KMT5B: variants seen among roughly 807,000 people sequenced by gnomAD.
KMT5B encodes lysine methyltransferase 5B.
KMT5B carries 10 observed loss-of-function variants against 83.2 expected under a neutral mutation model. The ratio of observed to expected loss-of-function variants is 0.12; its 90% CI spans 0.07 to 0.20. KMT5B has a LOEUF of 0.20. KMT5B is among the 10% of genes least tolerant of loss of function. KMT5B has a pLI of 1.00. For missense variants in KMT5B, 753 were observed against 1,067.2 expected, an observed-to-expected ratio of 0.71 and a Z score of 4.10; for synonymous variants, 349 against 388.8, an observed-to-expected ratio of 0.90 and a Z score of 1.20.
chr11:68,201,918 CAAAA>C (rs779662280), intron 1 of KMT5B, among the ~76,000 whole-genome samples: 1 of 82,928 alleles, frequency 1.2e-5, no homozygotes. Flanking sequence ...CAGTCTCTAC[CAAAA>C]AAAAAAAAAA....
upstream of KMT5B, chr11:68,213,416 C>CCGGCCTCGGCTCGCTG (rs1861254583): frequency 6.8e-6 from 1 of 146,594 alleles, no homozygotes; most frequent in Non-Finnish European, 1.5e-5. Flanking sequence ...CCCCGCGCCC[C>CCGGCCTCGGCTCGCTG]CGGCCTCGGC....
intron 3 of KMT5B, 108 bp from the exon 4 acceptor site, chr11:68,180,308 ACT>A: frequency 7.0e-7 from 1 of 1,424,160 alleles, no homozygotes; most frequent in Non-Finnish European, 9.4e-7. Flanking sequence ...AATCTTTAAA[ACT>A]CTGTGATAAT....
In KMT5B at chr11:68,158,130, T is replaced by C. The variant is rs774007527; in HGVS notation, c.2216A>G (p.Asn739Ser). The change falls in exon 11 of 11, where the codon AAC (asparagine) becomes AGC (serine). Residue 739 changes from asparagine to serine, a missense_variant. This residue lies in a region of KMT5B where 161 missense variants were observed against 195.1 expected (regional missense o/e 0.83). Coordinates refer to ENST00000304363, the MANE Select transcript of KMT5B (RefSeq NM_017635.5). ...KTNDQENDGM[N>S]SSKISIKLSK... ...TAACTTGATGCTTATTTTGGAAGAGTTCATTCCATCATTCTCTTGGTCATT... is the reference window on the plus strand; with the variant it reads ...TAACTTGATGCTTATTTTGGAAGAGCTCATTCCATCATTCTCTTGGTCATT... 1 of 1,614,148 alleles carries C rather than the reference T, an allele frequency of 6.2e-7. No homozygotes were observed. The highest frequency in any genetic ancestry group is 1.1e-5 in the South Asian group (1 of 91,082).
rs1236254285 is a variant in KMT5B, at chr11:68,158,763, T to G, written c.1583A>C (p.Gln528Pro). ...GTAGGTGCAGGGCGAGCTCTCCCCCTGCGAATGAGCACCTCTCACAGGATT... is the reference window on the plus strand; with the variant it reads ...GTAGGTGCAGGGCGAGCTCTCCCCCGGCGAATGAGCACCTCTCACAGGATT... ...RQNPVRGAHS[Q>P]GESSPCTYIT... Residue 528 changes from glutamine (Q) to proline (P), a missense_variant, in exon 11 of 11, where the codon CAG becomes CCG. Transcript: ENST00000304363. The G allele has an allele frequency of 2.3e-5, 37 of 1,614,062 alleles. No individual in the cohort carries two copies. The highest frequency in any genetic ancestry group is 6.7e-5 in the Admixed American group (4 of 60,010).
intron 1 of KMT5B, among the ~76,000 whole-genome samples, chr11:68,211,698 C>A (rs563281228): frequency 3.3e-5 from 5 of 152,258 alleles, no homozygotes; most frequent in Admixed American, 1.3e-4. Context: ...TCTCACGGGG[C>A]CTTTCTGAAG....
In KMT5B at chr11:68,213,205, G is replaced by C. The variant is rs1389184674; in HGVS notation, c.-144C>G. On this transcript the variant is annotated 5_prime_UTR_variant, in exon 1 of 11. Transcript: ENST00000304363. Reference sequence around the variant, plus strand: ...CCGCTGCCCGGCCGCTGCGATGCGGGGCCGCGCCGCCGGGCCCCGCGTCCC... The same window carrying C: ...CCGCTGCCCGGCCGCTGCGATGCGGCGCCGCGCCGCCGGGCCCCGCGTCCC... 1.4e-5 allele frequency: 2 copies of C among 142,128 alleles called. No homozygotes were observed. Among genetic ancestry groups the C allele is most frequent in the Non-Finnish European group, 3.1e-5 (2 of 64,156 alleles). The allele number at this position is 142,128 out of a possible 1,614,324, so 8.8% of individuals were successfully genotyped here.
chr11:68,196,553 G>A (rs1858739428), intron 1 of KMT5B, among the ~76,000 whole-genome samples: 1 of 149,930 alleles, frequency 6.7e-6, no homozygotes, highest in South Asian at 2.1e-4. Context: ...CTATATTTCT[G>A]CATTAAAAAA....
At chr11:68,196,891 C>A (rs193169349) in intron 1 of KMT5B, among the ~76,000 whole-genome samples, 15 of 151,976 alleles carry the variant, frequency 9.9e-5, no homozygotes, top group African/African-American at 1.4e-4. Flanking sequence ...TCCTAATATA[C>A]CTCAAAAATA....
chr11:68,203,328 A>G (rs977759932), intron 1 of KMT5B, among the ~76,000 whole-genome samples: 1 of 152,232 alleles, frequency 6.6e-6, no homozygotes, highest in Non-Finnish European at 1.5e-5. Context: ...AGGTCCATTC[A>G]TATCACCTTC....
intron 10 of KMT5B, among the ~76,000 whole-genome samples, chr11:68,161,668 A>G (rs1435005612): frequency 6.6e-6 from 1 of 152,144 alleles, no homozygotes; most frequent in Non-Finnish European, 1.5e-5. Context: ...GACACTGATA[A>G]CCACTTTTTC....
chr11:68,166,058 T>G, intron 10 of KMT5B: 3 of 1,561,888 alleles, frequency 1.9e-6, no homozygotes, highest in Non-Finnish European at 2.6e-6. Context: ...GAAGTCTCAC[T>G]GGACATTTAA....
In KMT5B at chr11:68,189,875, CAT is replaced by C. The variant is rs769071555; in HGVS notation, c.160+40_160+41del. On this transcript the variant is annotated intron_variant, in intron 2 of 10. Transcript: ENST00000304363. Reference sequence around the variant, plus strand: ...TACAAACTGGAAAGAATTACTACCCCATATCACAATCAGAACATTGAAGGTTT... The same window carrying C: ...TACAAACTGGAAAGAATTACTACCCCATCACAATCAGAACATTGAAGGTTT... 11 of 1,571,590 alleles carry C rather than the reference CAT, an allele frequency of 7.0e-6. No homozygotes were observed. In the African/African-American group the frequency reaches 1.4e-4, roughly 19 times the overall value.
chr11:68,203,381 G>A (rs1859699213), intron 1 of KMT5B, among the ~76,000 whole-genome samples: 1 of 152,160 alleles, frequency 6.6e-6, no homozygotes, highest in Non-Finnish European at 1.5e-5. Context: ...AGCAGAATCG[G>A]TTTTTAGTTT....
intron 9 of KMT5B, among the ~76,000 whole-genome samples, 178 bp downstream of exon 9, chr11:68,170,837 G>A (rs1341466379): frequency 2.0e-5 from 3 of 152,146 alleles, no homozygotes; most frequent in Admixed American, 2.0e-4. Flanking sequence ...ACATTCCAAT[G>A]TCCCTAAATA....
chr11:68,188,318 C>T (rs564519449), intron 2 of KMT5B, among the ~76,000 whole-genome samples: 2 of 152,026 alleles, frequency 1.3e-5, no homozygotes, highest in Middle Eastern at 3.4e-3. Context: ...GCCACCACGC[C>T]CGGCCCGTAA....
intron 1 of KMT5B, among the ~76,000 whole-genome samples, chr11:68,208,070 C>G (rs1860387608): frequency 6.6e-6 from 1 of 150,704 alleles, no homozygotes; most frequent in South Asian, 2.1e-4. Context: ...AACTCCTGAC[C>G]ACGTGATTCA....
chr11:68,157,342 C>A lies in KMT5B; in HGVS notation c.*346G>T. On this transcript the variant is annotated 3_prime_UTR_variant, in exon 11 of 11. Transcript: ENST00000304363. ...GTTTAGTCATATATTAAAGAGCCAGCTGATGCTCTTACAGTTAAAAAAACT... is the reference window on the plus strand; with the variant it reads ...GTTTAGTCATATATTAAAGAGCCAGATGATGCTCTTACAGTTAAAAAAACT... 1 of 180,446 alleles carries A rather than the reference C, an allele frequency of 5.5e-6. No homozygotes were observed. The allele number at this position is 180,446 out of a possible 1,614,324, so 11.2% of individuals were successfully genotyped here. A position where few individuals can be genotyped will look rare whatever the true frequency, so the allele number is the denominator to read the frequency against.
intron 10 of KMT5B, among the ~76,000 whole-genome samples, chr11:68,160,640 C>G (rs1161768118): frequency 6.6e-6 from 1 of 152,128 alleles, no homozygotes; most frequent in Non-Finnish European, 1.5e-5. Context: ...AAGTAAGTTA[C>G]CATAAGTTCA....
intron 3 of KMT5B, among the ~76,000 whole-genome samples, chr11:68,184,835 G>A (rs148045286): frequency 2.7e-3 from 411 of 152,208 alleles, no homozygotes; most frequent in African/African-American, 9.4e-3. Flanking sequence ...CTTTTTTGAG[G>A]GAGAAATGGT....
Sources: allele counts gnomAD v4.1 joint callset (sites outside exome capture counted in the v4.1 genomes callset), GRCh38; gene constraint gnomAD v4.1.1; regional missense constraint gnomAD v4.1.1; transcripts MANE v1.5; gene names NCBI Gene and HGNC (gene_info 2026-07-23, HGNC 2026-07-21).